Variants in AKT3 observed in about 807,000 individuals in gnomAD.
AKT3 encodes the protein RAC-gamma serine/threonine-protein kinase.
Under a neutral mutation model 65.3 loss-of-function variants are expected in AKT3, and 15 were observed. That is an observed-to-expected ratio of 0.23 (90% CI 0.15 to 0.35). AKT3 has a LOEUF of 0.35. AKT3 is among the 10% of genes least tolerant of loss of function. The probability of loss-of-function intolerance (pLI) is 1.00; values close to 1 mark genes in which losing one functional copy is unlikely to be tolerated. For synonymous variants in AKT3, 206 were observed against 183.8 expected, an observed-to-expected ratio of 1.12 and a Z score of -0.98; for missense variants, 243 against 576.5, an observed-to-expected ratio of 0.42 and a Z score of 5.92.
In AKT3 at chr1:243,657,839, T is replaced by A. The variant is rs138478657; in HGVS notation, c.284+6933A>T. ...AGAGCCCAGGTAATAAAACCATATA[T>A]ATATACAGTCAAATGATCTTTGACA... On this transcript the variant is annotated intron_variant, in intron 4 of 13. Coordinates refer to ENST00000673466, the MANE Select transcript of AKT3 (RefSeq NM_005465.7). Among the ~76,000 whole-genome samples, 152 of 152,174 alleles carry A rather than the reference T, an allele frequency of 1.0e-3. 2 individuals carry two copies. The highest frequency in any genetic ancestry group is 3.4e-3 in the Middle Eastern group (1 of 294).
rs576808270 is a variant in AKT3 at position 243,706,706 on chromosome 1, G to C, written c.47-10990C>G. ...ACCACAGCATGTTAAGTGGTGAAAG[G>C]AAGAAGAGGTAAGAGCAAGGAAGAA... On this transcript the variant is annotated intron_variant, in intron 2 of 13. Coordinates refer to ENST00000673466, the MANE Select transcript of AKT3 (RefSeq NM_005465.7). Among the ~76,000 whole-genome samples, 14 of 152,182 alleles carry C rather than the reference G, an allele frequency of 9.2e-5. No homozygotes were observed. In the East Asian group the frequency reaches 2.5e-3, roughly 27 times the overall value.
At chr1:243,696,779 A>G (rs981837281) in intron 2 of AKT3, among the ~76,000 whole-genome samples, 1 of 151,482 alleles carries the variant, frequency 6.6e-6, no homozygotes, top group East Asian at 1.9e-4. Context: ...CGTTATATCT[A>G]CTCTTCTGTT....
At chr1:243,562,552 C>G (rs1673867859) in intron 10 of AKT3, among the ~76,000 whole-genome samples, 1 of 152,080 alleles carries the variant, frequency 6.6e-6, no homozygotes, top group South Asian at 2.1e-4. Context: ...TAGGTGGAAA[C>G]AAAGGCACCA....
chr1:243,668,836 G>C (rs983888941), intron 3 of AKT3, among the ~76,000 whole-genome samples: 1 of 152,114 alleles, frequency 6.6e-6, no homozygotes, highest in African/African-American at 2.4e-5. Context: ...ACTTAAAATG[G>C]GTATGGAGGA....
At chr1:243,623,780 TTG>T (rs1385921608) in intron 6 of AKT3, among the ~76,000 whole-genome samples, 1 of 152,196 alleles carries the variant, frequency 6.6e-6, no homozygotes, top group African/African-American at 2.4e-5. Context: ...ATGGCCTGTC[TTG>T]GGAATTTTCA....
chr1:243,835,785 A>G lies in AKT3; in HGVS notation c.46+7340T>C, dbSNP rs147430740. ...AGTGGAATATACTGAAAAAAATTCA[A>G]TTAACTCAAAAGAAGATAAGAAAGT... On this transcript the variant is annotated intron_variant, in intron 2 of 13. Transcript: ENST00000673466. Among the ~76,000 whole-genome samples the G allele has an allele frequency of 1.1e-3, 173 of 152,332 alleles. 1 individual carries two copies. Among genetic ancestry groups the G allele is most frequent in the African/African-American group, 3.6e-3 (148 of 41,574 alleles).
intron 4 of AKT3, among the ~76,000 whole-genome samples, chr1:243,649,651 A>G (rs1681150850): frequency 6.6e-6 from 1 of 151,984 alleles, no homozygotes; most frequent in African/African-American, 2.4e-5. Flanking sequence ...CTTATGAATG[A>G]GAACATGGGA....
chr1:243,803,274 T>C (rs1692489141), intron 2 of AKT3, among the ~76,000 whole-genome samples: 1 of 152,186 alleles, frequency 6.6e-6, no homozygotes. Flanking sequence ...CAGATCTATC[T>C]GCCTCCAAAG....
chr1:243,727,290 T>C (rs1438210916), intron 2 of AKT3, among the ~76,000 whole-genome samples: 1 of 151,782 alleles, frequency 6.6e-6, no homozygotes, highest in Non-Finnish European at 1.5e-5. Flanking sequence ...AGTAAGTTAG[T>C]TGATTGATTG....
chr1:243,639,819 T>C (rs1379502633), intron 5 of AKT3, among the ~76,000 whole-genome samples: 1 of 152,242 alleles, frequency 6.6e-6, no homozygotes, highest in African/African-American at 2.4e-5. Context: ...ATTCTTTTAC[T>C]TTCTTAATAA....
chr1:243,835,493 C>T (rs1694840769), intron 2 of AKT3, among the ~76,000 whole-genome samples: 3 of 151,758 alleles, frequency 2.0e-5, no homozygotes, highest in Admixed American at 1.3e-4. Flanking sequence ...AGAACAATAC[C>T]TAAAAAAGCA....
intron 2 of AKT3, among the ~76,000 whole-genome samples, chr1:243,795,448 TG>T (rs1297637716): frequency 1.2e-4 from 16 of 138,106 alleles, no homozygotes; most frequent in Admixed American, 5.1e-4. Flanking sequence ...TTGATCTCCT[TG>T]TTTTTTTTTT....
chr1:243,746,560 C>G (rs1388042193), intron 2 of AKT3, among the ~76,000 whole-genome samples: 1 of 152,162 alleles, frequency 6.6e-6, no homozygotes, highest in Non-Finnish European at 1.5e-5. Context: ...ATAAAGAACA[C>G]AGTATGACAT....
downstream of AKT3, among the ~76,000 whole-genome samples, chr1:243,495,723 C>T (rs567694643): frequency 9.2e-5 from 14 of 152,302 alleles, no homozygotes; most frequent in South Asian, 2.7e-3. Flanking sequence ...TCGAAGGCCG[C>T]GTTTCCCCGA....
intron 9 of AKT3, among the ~76,000 whole-genome samples, chr1:243,571,125 T>C (rs939972654): frequency 6.6e-6 from 1 of 152,070 alleles, no homozygotes; most frequent in Non-Finnish European, 1.5e-5. Context: ...GAGACTATCC[T>C]GGCCAACTCC....
At chr1:243,777,903 T>C (rs1553450470) in intron 2 of AKT3, among the ~76,000 whole-genome samples, 1 of 152,192 alleles carries the variant, frequency 6.6e-6, no homozygotes, top group Non-Finnish European at 1.5e-5. Flanking sequence ...AATCTGTCCC[T>C]GTTTTTCCTT....
intron 2 of AKT3, among the ~76,000 whole-genome samples, chr1:243,816,382 G>A (rs962782233): frequency 6.6e-6 from 1 of 152,126 alleles, no homozygotes; most frequent in Non-Finnish European, 1.5e-5. Context: ...TCAGGCAAAA[G>A]GGGATAGCTG....
At chr1:243,730,225 C>T (rs1687462980) in intron 2 of AKT3, among the ~76,000 whole-genome samples, 1 of 152,184 alleles carries the variant, frequency 6.6e-6, no homozygotes, top group East Asian at 1.9e-4. Context: ...ATTTTGAGCC[C>T]ATAAAAACCC....
At chr1:243,747,738 T>G (rs576461439) in intron 2 of AKT3, among the ~76,000 whole-genome samples, 1 of 152,268 alleles carries the variant, frequency 6.6e-6, no homozygotes, top group African/African-American at 2.4e-5. Context: ...CACATTAAAC[T>G]TATTGTAAAC....
Sources: allele counts gnomAD v4.1 joint callset (sites outside exome capture counted in the v4.1 genomes callset), GRCh38; gene constraint gnomAD v4.1.1; transcripts MANE v1.5; gene names NCBI Gene and HGNC (gene_info 2026-07-23, HGNC 2026-07-21).